Variants in IFRD2 observed in about 807,000 individuals in gnomAD.
IFRD2 encodes interferon related developmental regulator 2, also known as interferon-related developmental regulator 2.
A neutral mutation model predicts 49.2 loss-of-function variants in IFRD2; 35 were observed. That is an observed-to-expected ratio of 0.71 (90% CI 0.54 to 0.94). The LOEUF (loss-of-function observed/expected upper bound fraction) is 0.94, where lower values mean the gene tolerates loss of function less well. Ranked by LOEUF, IFRD2 falls within the 40% of genes least tolerant of loss-of-function variation. IFRD2 has a pLI of 0.00. For synonymous variants in IFRD2, 275 were observed against 239.7 expected, an observed-to-expected ratio of 1.15 and a Z score of -1.36; for missense variants, 561 against 591.6, an observed-to-expected ratio of 0.95 and a Z score of 0.54.
chr3:50,289,104 C>A, intron 8 of IFRD2, 151 bp downstream of exon 8: 1 of 1,144,002 alleles, frequency 8.7e-7, no homozygotes, highest in Non-Finnish European at 1.3e-6. Context: ...GCTGAGGGCA[C>A]CCATCATGAC....
Position 50,288,380 on chromosome 3 carries a change from G to A in IFRD2, c.1248+29C>T, listed in dbSNP as rs1671123042. On this transcript the variant is annotated intron_variant, in intron 11 of 11. Coordinates refer to ENST00000417626, the MANE Select transcript of IFRD2 (RefSeq NM_006764.5). Reference sequence around the variant, plus strand: ...AGGCCTCCAGGAAATGGGAATAGGGGGAAGAGAAAGGTGCCCAAGGGTGCA... The same window carrying A: ...AGGCCTCCAGGAAATGGGAATAGGGAGAAGAGAAAGGTGCCCAAGGGTGCA... The A allele has an allele frequency of 1.9e-6, 3 of 1,606,910 alleles. No individual in the cohort carries two copies. In the African/African-American group the frequency reaches 4.0e-5, roughly 21 times the overall value.
chr3:50,288,781 CAT>C lies in IFRD2; in HGVS notation c.1023+17_1023+18del. 1.2e-6 allele frequency: 2 copies of C among 1,612,830 alleles called. No individual in the cohort carries two copies. The highest frequency in any genetic ancestry group is 1.7e-6 in the Non-Finnish European group (2 of 1,179,276). ...CTGGGGGTGCACCCTTGCTAGGACA[CAT>C]ATGTTCTCACACACACCTCCACGGA... On this transcript the variant is annotated intron_variant, in intron 9 of 11. Coordinates refer to ENST00000417626, the MANE Select transcript of IFRD2 (RefSeq NM_006764.5).
rs782214516 is a variant in IFRD2 at position 50,290,673 on chromosome 3, C to T, written c.65G>A (p.Arg22Gln). The change falls in exon 2 of 12, where the codon CGG becomes CAG. Residue 22 changes from arginine to glutamine, a missense_variant. Physicochemically the swap from Arg to Gln is conservative, Grantham distance 43. Transcript: ENST00000417626. Reference protein sequence around the residue: ...KGGQRRGGGARSSAQADSGSS... With the variant: ...KGGQRRGGGAQSSAQADSGSS... ...ACCCGAGTCAGCTTGGGCACTGCTC[C>T]GGGCACCTGGAGAAGGTGGAATAGG... 98 of 1,613,428 alleles carry T rather than the reference C, an allele frequency of 6.1e-5. No homozygotes were observed. The highest frequency in any genetic ancestry group is 7.4e-5 in the Non-Finnish European group (87 of 1,179,742).
chr3:50,292,132 A>G (rs1701688778), intron 1 of IFRD2, 85 bp downstream of exon 1: 1 of 1,342,970 alleles, frequency 7.4e-7, no homozygotes, highest in South Asian at 1.6e-5. Context: ...TTCCCCACCC[A>G]GGGCCCTCGA....
Position 50,288,007 on chromosome 3 carries a change from G to T in IFRD2, c.*184C>A. ...ACAGGAAGGGGCCACAGGGCTGAGT[G>T]CAGGGACAAAGGGGTCAGGGTCCCA... On this transcript the variant is annotated 3_prime_UTR_variant, in exon 12 of 12. Transcript: ENST00000417626. 1.6e-6 allele frequency: 1 copy of T among 612,116 alleles called. No individual in the cohort carries two copies. Among genetic ancestry groups the T allele is most frequent in the South Asian group, 1.8e-5 (1 of 54,240 alleles). The allele number at this position is 612,116 out of a possible 1,614,324, so 37.9% of individuals were successfully genotyped here. A position where few individuals can be genotyped will look rare whatever the true frequency, so the allele number is the denominator to read the frequency against.
intron 11 of IFRD2, 66 bp downstream of exon 11, chr3:50,288,343 C>T (rs1575489480): frequency 1.2e-6 from 2 of 1,603,608 alleles, no homozygotes; most frequent in East Asian, 4.5e-5. Context: ...CTTCCGGCCT[C>T]TACAGAATTC....
chr3:50,292,041 C>T (rs1192923408), intron 1 of IFRD2, 176 bp downstream of exon 1: 4 of 665,824 alleles, frequency 6.0e-6, no homozygotes, highest in African/African-American at 1.9e-5. Context: ...TCAAGTTGGG[C>T]ACGCACGTGG....
intron 11 of IFRD2, 42 bp from the exon 12 acceptor site, chr3:50,288,313 G>A (rs1035964742): frequency 1.2e-6 from 2 of 1,607,816 alleles, no homozygotes; most frequent in Non-Finnish European, 1.7e-6. Flanking sequence ...GAGCTGGGAA[G>A]GGAAAGGGCT....
At position 50,289,334 on chromosome 3, in the gene IFRD2, A is replaced by G. The variant is rs1336577971; in HGVS notation, c.806T>C (p.Leu269Ser). 2 of 1,601,194 alleles carry G rather than the reference A, an allele frequency of 1.2e-6. No individual in the cohort carries two copies. The highest frequency in any genetic ancestry group is 1.7e-6 in the Non-Finnish European group (2 of 1,174,176). The change falls in exon 8 of 12, where the codon TTG becomes TCG. Residue 269 changes from leucine to serine, a missense_variant. By Grantham distance (145) the Leu-to-Ser change is moderately radical. Coordinates refer to ENST00000417626, the MANE Select transcript of IFRD2 (RefSeq NM_006764.5). ...CCGCAGGTTCACACTTTCACTGGAC[A>G]AGAGCTGGGGCAGCCGGGGCAGCTG... is the stretch of plus-strand genomic sequence containing the variant. ...DRQLPRLPQLLSSESVNLRIA... is the reference protein window; with the variant it reads ...DRQLPRLPQLSSSESVNLRIA...
At chr3:50,292,002 G>A in intron 1 of IFRD2, 1 of 543,816 alleles carries the variant, frequency 1.8e-6, no homozygotes, top group Non-Finnish European at 3.1e-6. Context: ...CTGGGAGCGC[G>A]GACTCCCAAC....
chr3:50,288,835 G>A lies in IFRD2; in HGVS notation c.988C>T (p.Arg330Cys), dbSNP rs587715520. 2.5e-6 allele frequency: 4 copies of A among 1,613,404 alleles called. No homozygotes were observed. Among genetic ancestry groups the A allele is most frequent in the African/African-American group, 1.3e-5 (1 of 75,046 alleles). The change falls in exon 9 of 12, where the codon CGC (arginine) becomes TGC (cysteine). Residue 330 changes from arginine to cysteine, a missense_variant. Transcript: ENST00000417626. ...TGCAGCACGGCGCGGAAAGTAGAGC[G>A]CTGGCGCCGACGATCAGCCTTGGCA... Reference protein sequence around the residue: ...YRAKADRRRQRSTFRAVLHSV... With the variant: ...YRAKADRRRQCSTFRAVLHSV...
rs781992751 is a variant in IFRD2, at chr3:50,290,623, C to T, written c.115G>A (p.Glu39Lys). The T allele has an allele frequency of 1.4e-5, 22 of 1,613,872 alleles. No individual in the cohort carries two copies. The East Asian group carries it at 4.2e-4, about 31-fold the overall frequency. The part of the protein sequence containing the change: ...SGSSDDEAAS[E>K]ARSTASECPS... ...CATTCACTGGCGGTGCTGCGGGCCT[C>T]ACTGGCTGCCTCATCGTCACTGGAA... Residue 39 changes from glutamate (E) to lysine (K), a missense_variant, in exon 2 of 12, where the codon GAG (glutamate) becomes AAG (lysine). Physicochemically the swap from Glu to Lys is moderately conservative, Grantham distance 56 (BLOSUM62 1). Coordinates refer to ENST00000417626, the MANE Select transcript of IFRD2 (RefSeq NM_006764.5).
Position 50,289,935 on chromosome 3 carries a change from C to A in IFRD2, c.540G>T (p.Arg180=), listed in dbSNP as rs782451220. ...GGGGCACAGGCACACTCACGTGGAG[C>A]CGGGCAGCAGGGCTAGCTGTGCTGT... The part of the protein sequence containing the change: ...LSDSTASPAA[R]LHCASALGLG... The change falls in exon 5 of 12, where the codon CGG becomes CGT. Residue 180 remains arginine (R), a synonymous_variant. Coordinates refer to ENST00000417626, the MANE Select transcript of IFRD2 (RefSeq NM_006764.5). 21 of 1,612,870 alleles carry A rather than the reference C, an allele frequency of 1.3e-5. No homozygotes were observed. Among genetic ancestry groups the A allele is most frequent in the African/African-American group, 2.7e-5 (2 of 75,048 alleles).
chr3:50,290,516 T>G, intron 2 of IFRD2, 44 bp from the exon 3 acceptor site: 2 of 1,604,984 alleles, frequency 1.2e-6, no homozygotes, highest in Non-Finnish European at 1.7e-6. Flanking sequence ...CCTCAGCCCA[T>G]GGAGCCCTCA....
chr3:50,292,173 G>A (rs1553709880), intron 1 of IFRD2, 44 bp downstream of exon 1: 3 of 1,253,328 alleles, frequency 2.4e-6, no homozygotes, highest in Admixed American at 3.0e-5. Flanking sequence ...CAGGACCCCC[G>A]CCCGCCGCTC....
chr3:50,288,831 G>A lies in IFRD2; in HGVS notation c.992C>T (p.Ser331Phe). The A allele has an allele frequency of 1.2e-6, 2 of 1,613,476 alleles. No individual in the cohort carries two copies. Among genetic ancestry groups the A allele is most frequent in the Non-Finnish European group, 1.7e-6 (2 of 1,179,628 alleles). Residue 331 changes from serine (S) to phenylalanine (F), a missense_variant, in exon 9 of 12, where the codon TCT (serine) becomes TTT (phenylalanine). By Grantham distance (155) the Ser-to-Phe change is radical. Coordinates refer to ENST00000417626, the MANE Select transcript of IFRD2 (RefSeq NM_006764.5). ...GGAGTGCAGCACGGCGCGGAAAGTAGAGCGCTGGCGCCGACGATCAGCCTT... is the reference window on the plus strand; with the variant it reads ...GGAGTGCAGCACGGCGCGGAAAGTAAAGCGCTGGCGCCGACGATCAGCCTT... ...RAKADRRRQR[S>F]TFRAVLHSVE...
intron 8 of IFRD2, 43 bp downstream of exon 8, chr3:50,289,212 G>A: frequency 6.7e-7 from 1 of 1,487,232 alleles, no homozygotes; most frequent in South Asian, 1.2e-5. Flanking sequence ...CCTGTGATGG[G>A]CAGGTGGTGT....
rs782541943 is a variant in IFRD2 at position 50,290,641 on chromosome 3, C to G, written c.97G>C (p.Asp33His). The G allele has an allele frequency of 2.5e-6, 4 of 1,613,956 alleles. No homozygotes were observed. Among genetic ancestry groups the G allele is most frequent in the Non-Finnish European group, 3.4e-6 (4 of 1,179,880 alleles). ...CGGGCCTCACTGGCTGCCTCATCGT[C>G]ACTGGAACCCGAGTCAGCTTGGGCA... The part of the protein sequence containing the change: ...SSAQADSGSS[D>H]DEAASEARST... Residue 33 changes from aspartate to histidine, a missense_variant, in exon 2 of 12, where the codon GAC becomes CAC. Coordinates refer to ENST00000417626, the MANE Select transcript of IFRD2 (RefSeq NM_006764.5).
rs6792611 is a variant in IFRD2, at chr3:50,288,726, T to G, written c.1024-15A>C. On this transcript the variant is annotated splice_polypyrimidine_tract_variant and intron_variant, in intron 9 of 11. Transcript: ENST00000417626. Reference sequence around the variant, plus strand: ...CATTCACCGCCCTGCAGGGTAGAGGTGCCAACACAACTGGGCTTGGCTGCT... The same window carrying G: ...CATTCACCGCCCTGCAGGGTAGAGGGGCCAACACAACTGGGCTTGGCTGCT... 1,685 of 1,612,818 alleles carry G rather than the reference T, an allele frequency of 1.0e-3. 14 individuals are homozygous for G. The African/African-American group carries it at 0.02, about 19-fold the overall frequency.
Sources: allele counts gnomAD v4.1 joint callset, GRCh38; gene constraint gnomAD v4.1.1; transcripts MANE v1.5; gene names NCBI Gene and HGNC (gene_info 2026-07-23, HGNC 2026-07-21).